The following RBMS3 variants were observed in gnomAD, a reference collection of about 807,000 sequenced individuals.
The protein encoded by RBMS3 is RNA binding motif single stranded interacting protein 3.
RBMS3 carries 27 observed loss-of-function variants against 66.8 expected under a neutral mutation model. The ratio of observed to expected loss-of-function variants is 0.40; its 90% CI spans 0.30 to 0.56. RBMS3 has a LOEUF of 0.56. Ranked by LOEUF, RBMS3 falls within the 20% of genes least tolerant of loss-of-function variation. The probability of loss-of-function intolerance (pLI) is 0.40; values close to 1 mark genes in which losing one functional copy is unlikely to be tolerated. For synonymous variants in RBMS3, 188 were observed against 183.0 expected, an observed-to-expected ratio of 1.03 and a Z score of -0.22; for missense variants, 513 against 549.5, an observed-to-expected ratio of 0.93 and a Z score of 0.66.
chr3:29,675,778 A>G (rs9831843), intron 4 of RBMS3, among the ~76,000 whole-genome samples: 69,166 of 152,012 alleles, frequency 0.46, 16,533 homozygotes, highest in South Asian at 0.56. Flanking sequence ...TCAGGAAACA[A>G]TAGGTGCTGG....
intron 12 of RBMS3, among the ~76,000 whole-genome samples, chr3:29,959,965 AC>A (rs1287552201): frequency 6.6e-6 from 1 of 151,874 alleles, no homozygotes; most frequent in Non-Finnish European, 1.5e-5. Flanking sequence ...ATATTATTTC[AC>A]CCCGGCCCCT....
At chr3:29,663,044 C>G (rs59657464) in intron 4 of RBMS3, among the ~76,000 whole-genome samples, 2,189 of 150,458 alleles carry the variant, frequency 0.015, 36 homozygotes, top group African/African-American at 0.043. Flanking sequence ...GGTAAAAGTT[C>G]TATTTTTCTT....
At chr3:30,001,369 T>TGG (rs1380844592) in intron 14 of RBMS3, among the ~76,000 whole-genome samples, 1 of 152,056 alleles carries the variant, frequency 6.6e-6, no homozygotes, top group African/African-American at 2.4e-5. Flanking sequence ...TTTCTAAGAT[T>TGG]ATCGTTTGTT....
At chr3:29,932,495 AT>A (rs924462351) in intron 10 of RBMS3, among the ~76,000 whole-genome samples, 30 of 152,258 alleles carry the variant, frequency 2.0e-4, no homozygotes, top group Middle Eastern at 6.8e-3. Flanking sequence ...AGAGAGTCTA[AT>A]TTTTGTCTAC....
intron 3 of RBMS3, among the ~76,000 whole-genome samples, chr3:29,490,022 T>A (rs1206287197): frequency 9.0e-6 from 1 of 111,244 alleles, no homozygotes; most frequent in Admixed American, 1.3e-4. Flanking sequence ...CAGCCTGGGC[T>A]ACAGGGCAAG....
chr3:29,836,873 G>C (rs6767482), intron 6 of RBMS3, among the ~76,000 whole-genome samples: 3,578 of 151,634 alleles, frequency 0.024, 139 homozygotes, highest in African/African-American at 0.082. Flanking sequence ...AGTAAAGCTG[G>C]GGTGGGGAGA....
intron 1 of RBMS3, among the ~76,000 whole-genome samples, chr3:29,366,267 T>C (rs2037897659): frequency 6.6e-6 from 1 of 152,246 alleles, no homozygotes. Flanking sequence ...ATAGTTGTAT[T>C]ATCAGTGCCA....
At chr3:29,546,263 C>A (rs899199274) in intron 3 of RBMS3, among the ~76,000 whole-genome samples, 1 of 152,062 alleles carries the variant, frequency 6.6e-6, no homozygotes, top group Non-Finnish European at 1.5e-5. Flanking sequence ...CATAAATTAT[C>A]ATTCATTTTA....
At chr3:29,913,032 A>C (rs1012762521) in intron 10 of RBMS3, among the ~76,000 whole-genome samples, 1 of 151,882 alleles carries the variant, frequency 6.6e-6, no homozygotes, top group Non-Finnish European at 1.5e-5. Flanking sequence ...TTCATCTAAA[A>C]TATTGAGGGC....
At chr3:29,531,379 A>C (rs1445943448) in intron 3 of RBMS3, among the ~76,000 whole-genome samples, 1 of 152,256 alleles carries the variant, frequency 6.6e-6, no homozygotes, top group Non-Finnish European at 1.5e-5. Context: ...CATGAGACTT[A>C]CATGGATTGT....
At chr3:29,368,014 ACAGAC>A (rs1157779788) in intron 1 of RBMS3, among the ~76,000 whole-genome samples, 1 of 152,204 alleles carries the variant, frequency 6.6e-6, no homozygotes, top group Non-Finnish European at 1.5e-5. Context: ...TTTTATACAT[ACAGAC>A]CAGTTTGCAC....
chr3:29,431,442 A>G (rs770824124), intron 1 of RBMS3, among the ~76,000 whole-genome samples: 5 of 151,468 alleles, frequency 3.3e-5, no homozygotes, highest in Admixed American at 6.6e-5. Context: ...ATAGGCACAT[A>G]CCACCATGCC....
chr3:29,739,794 T>C lies in RBMS3; in HGVS notation c.474T>C (p.Asn158=). 6.2e-7 allele frequency: 1 copy of C among 1,613,402 alleles called. No homozygotes were observed. The highest frequency in any genetic ancestry group is 8.5e-7 in the Non-Finnish European group (1 of 1,179,456). The stretch of plus-strand genomic sequence containing the variant: ...CTATGGATGAGCAGGAGCTTGAGAA[T>C]ATGCTGAAACCCTTTGGACATGTCA... ...PISMDEQELE[N]MLKPFGHVIS... is the part of the protein sequence containing the mutation. The change falls in exon 5 of 15, where the codon AAT becomes AAC. Residue 158 remains asparagine (N), a synonymous_variant. Transcript: ENST00000383767.
chr3:29,463,142 A>G (rs537482114), intron 2 of RBMS3, among the ~76,000 whole-genome samples: 1 of 152,328 alleles, frequency 6.6e-6, no homozygotes, highest in African/African-American at 2.4e-5. Context: ...GGTGATATTT[A>G]GACAATATGT....
intron 10 of RBMS3, among the ~76,000 whole-genome samples, chr3:29,912,415 A>G (rs1300716789): frequency 6.6e-6 from 1 of 152,084 alleles, no homozygotes; most frequent in Non-Finnish European, 1.5e-5. Flanking sequence ...CTAATATTAA[A>G]TTTGTCTTTG....
chr3:29,492,387 G>A (rs1365134278), intron 3 of RBMS3, among the ~76,000 whole-genome samples: 1 of 152,038 alleles, frequency 6.6e-6, no homozygotes, highest in East Asian at 1.9e-4. Context: ...ATGACCAAGG[G>A]AATAATAGGA....
chr3:29,990,998 T>C (rs1428338422), intron 13 of RBMS3, 84 bp from the exon 14 acceptor site: 5 of 1,372,926 alleles, frequency 3.6e-6, no homozygotes, highest in Non-Finnish European at 3.1e-6. Context: ...TTAAGCCAAA[T>C]AGAAGAGGGG....
chr3:29,951,926 C>A (rs1695707802), intron 12 of RBMS3, among the ~76,000 whole-genome samples: 1 of 151,558 alleles, frequency 6.6e-6, no homozygotes, highest in Admixed American at 6.6e-5. Flanking sequence ...ATGAAAAAAT[C>A]TAGAAAAGAA....
intron 1 of RBMS3, among the ~76,000 whole-genome samples, chr3:29,314,461 G>T (rs77009890): frequency 6.6e-6 from 1 of 151,688 alleles, no homozygotes; most frequent in Admixed American, 6.6e-5. Context: ...GGCATGTAGA[G>T]TCAGTGTGGC....
Sources: allele counts gnomAD v4.1 joint callset (sites outside exome capture counted in the v4.1 genomes callset), GRCh38; gene constraint gnomAD v4.1.1; transcripts MANE v1.5; gene names NCBI Gene and HGNC (gene_info 2026-07-23, HGNC 2026-07-21).